Variants in MGAT5 observed in about 807,000 individuals in gnomAD.
MGAT5 encodes the protein alpha-1,6-mannosylglycoprotein 6-beta-N-acetylglucosaminyltransferase.
A neutral mutation model predicts 94.3 loss-of-function variants in MGAT5; 30 were observed. The observed-to-expected ratio is 0.32, with a 90% CI of 0.24 to 0.43. MGAT5 has a LOEUF of 0.43. MGAT5 is among the 20% of genes least tolerant of loss of function. The probability of loss-of-function intolerance (pLI) is 1.00; values close to 1 mark genes in which losing one functional copy is unlikely to be tolerated. For missense variants in MGAT5, 691 were observed against 905.5 expected (o/e 0.76, Z 3.04); for synonymous variants, 310 against 322.9 (o/e 0.96, Z 0.43).
At position 134,145,210 on chromosome 2, in the gene MGAT5, C is replaced by CTG. The variant is rs1413599821; in HGVS notation, c.-143+24920_-143+24921insGT. Among the ~76,000 whole-genome samples the CTG allele has an allele frequency of 2.9e-4, 28 of 95,956 alleles. 1 individual carries two copies. Among genetic ancestry groups the CTG allele is most frequent in the Non-Finnish European group, 4.1e-4 (21 of 51,286 alleles). 63.0% of individuals were successfully genotyped at this position (95,956 alleles called of 152,430 possible). A position where few individuals can be genotyped will look rare whatever the true frequency, so the allele number is the denominator to read the frequency against. ...CAAAGTAAGGTGTGTGTGTGTCTCT[C>CTG]TCTCTGTGTGTGTGTGTGTGTGTGT... On this transcript the variant is annotated intron_variant, in intron 1 of 16. Transcript: ENST00000409645.
chr2:134,257,942 C>CG (rs1683082401), intron 1 of MGAT5, among the ~76,000 whole-genome samples: 3 of 141,152 alleles, frequency 2.1e-5, no homozygotes, highest in Admixed American at 1.5e-4. Context: ...GGATTTGTGT[C>CG]TGGTTTAAAT....
At chr2:134,396,119 A>G (rs4500998) in intron 10 of MGAT5, among the ~76,000 whole-genome samples, 148,077 of 152,162 alleles carry the variant, frequency 0.97, 72,131 homozygotes, top group East Asian at 1. Flanking sequence ...GAAGGAAGAG[A>G]CAGAGGTGAA....
chr2:134,317,102 G>T (rs1281171729), intron 2 of MGAT5, among the ~76,000 whole-genome samples: 1 of 152,140 alleles, frequency 6.6e-6, no homozygotes, highest in East Asian at 1.9e-4. Flanking sequence ...CTCAGTTCAT[G>T]CAGTTGTCTT....
Position 134,362,316 on chromosome 2 carries a change from C to G in MGAT5, c.1288C>G (p.Gln430Glu). The change falls in exon 10 of 16, where the codon CAG (glutamine) becomes GAG (glutamate). Residue 430 changes from glutamine to glutamate, a missense_variant. Transcript: ENST00000281923. ...DNSFLGFVVEQHLNSSDIHHI... is the reference protein window; with the variant it reads ...DNSFLGFVVEEHLNSSDIHHI... ...CAGCTTTCTGGGGTTTGTGGTTGAG[C>G]AGCACCTGAACTCCAGTGATATCCA... is the stretch of plus-strand genomic sequence containing the variant. The G allele has an allele frequency of 6.2e-7, 1 of 1,614,034 alleles. No homozygotes were observed. Among genetic ancestry groups the G allele is most frequent in the South Asian group, 1.1e-5 (1 of 91,086 alleles).
In MGAT5 at chr2:134,446,316, T is replaced by G. The variant is rs367928973; in HGVS notation, c.2028-2333T>G. On this transcript the variant is annotated intron_variant, in intron 15 of 15. Transcript: ENST00000281923. Reference sequence around the variant, plus strand: ...AGCGAGCAGGAGGGTTTTTCATAGCTCCTGACAATTATATTCCTCGCCATG... The same window carrying G: ...AGCGAGCAGGAGGGTTTTTCATAGCGCCTGACAATTATATTCCTCGCCATG... Among the ~76,000 whole-genome samples, 41 of 151,888 alleles carry G rather than the reference T, an allele frequency of 2.7e-4. 1 individual carries two copies. The highest frequency in any genetic ancestry group is 9.2e-4 in the African/African-American group (38 of 41,410).
In MGAT5 at chr2:134,413,011, G is replaced by A; in HGVS notation, c.1673G>A (p.Arg558Lys). ...TTTTTCATTGGCAAGCCAACTCTGAGAGAGGTAAGCATCTATCAAAATTAT... is the reference window on the plus strand; with the variant it reads ...TTTTTCATTGGCAAGCCAACTCTGAAAGAGGTAAGCATCTATCAAAATTAT... The part of the protein sequence containing the change: ...TDFFIGKPTL[R>K]ELTSQHPYAE... Residue 558 changes from arginine (R) to lysine (K), a missense_variant, in exon 12 of 16, where the codon AGA (arginine) becomes AAA (lysine). Physicochemically the swap from Arg to Lys is conservative, Grantham distance 26. Coordinates refer to ENST00000281923, the MANE Select transcript of MGAT5 (RefSeq NM_002410.5). The A allele has an allele frequency of 6.2e-7, 1 of 1,614,136 alleles. No homozygotes were observed. Among genetic ancestry groups the A allele is most frequent in the Non-Finnish European group, 8.5e-7 (1 of 1,180,002 alleles).
chr2:134,240,203 A>G (rs763191557), intron 1 of MGAT5, among the ~76,000 whole-genome samples: 1 of 152,152 alleles, frequency 6.6e-6, no homozygotes, highest in Non-Finnish European at 1.5e-5. Context: ...TCAAATACTC[A>G]TTCTTTGAAG....
At chr2:134,157,690 C>A (rs573512615) in intron 1 of MGAT5, among the ~76,000 whole-genome samples, 1 of 151,938 alleles carries the variant, frequency 6.6e-6, no homozygotes, top group South Asian at 2.1e-4. Flanking sequence ...CACAACTCAC[C>A]ATAATGTAGA....
chr2:134,120,398 G>A lies in MGAT5; in HGVS notation c.-143+107G>A. 4 of 356,586 alleles carry A rather than the reference G, an allele frequency of 1.1e-5. No homozygotes were observed. The East Asian group carries it at 1.2e-4, about 11-fold the overall frequency. 22.1% of individuals were successfully genotyped at this position (356,586 alleles called of 1,614,324 possible). ...GGGGCACGGGGAACCAGGCGCGGGC[G>A]AGGAGAGCCCGCACCGGGGTCGGCG... On this transcript the variant is annotated intron_variant, in intron 1 of 16. Transcript: ENST00000409645.
intron 14 of MGAT5, among the ~76,000 whole-genome samples, chr2:134,434,031 C>G (rs1157532162): frequency 2.6e-5 from 4 of 152,078 alleles, no homozygotes; most frequent in Admixed American, 6.5e-5. Context: ...TTTCTGGACC[C>G]CCTTCACACA....
intron 10 of MGAT5, among the ~76,000 whole-genome samples, chr2:134,392,231 A>T (rs1034676426): frequency 6.6e-6 from 1 of 152,140 alleles, no homozygotes; most frequent in Admixed American, 6.5e-5. Context: ...CCTTTCAAAT[A>T]TGTTTATTTG....
intron 6 of MGAT5, 130 bp from the exon 7 acceptor site, chr2:134,341,460 G>A: frequency 4.2e-6 from 3 of 719,594 alleles, no homozygotes; most frequent in Non-Finnish European, 6.6e-6. Flanking sequence ...TAGAAAAACA[G>A]CATTCCCCAC....
At chr2:134,396,836 G>T (rs1682742057) in intron 10 of MGAT5, among the ~76,000 whole-genome samples, 1 of 152,248 alleles carries the variant, frequency 6.6e-6, no homozygotes, top group African/African-American at 2.4e-5. Context: ...CAGTGACAGT[G>T]CAGCCCAAGC....
chr2:134,439,323 G>T (rs1213960576), intron 14 of MGAT5, among the ~76,000 whole-genome samples: 2 of 152,236 alleles, frequency 1.3e-5, no homozygotes, highest in Admixed American at 1.3e-4. Flanking sequence ...CAAGAGGCAG[G>T]ATGTGCTCTC....
intron 1 of MGAT5, among the ~76,000 whole-genome samples, chr2:134,160,266 C>T (rs907999175): frequency 8.5e-5 from 13 of 152,162 alleles, no homozygotes; most frequent in Non-Finnish European, 1.8e-4. Context: ...CTCCGCTTCC[C>T]AGGTTCATGC....
chr2:134,330,614 T>C (rs1192404368), intron 4 of MGAT5, among the ~76,000 whole-genome samples: 2 of 142,366 alleles, frequency 1.4e-5, no homozygotes, highest in Admixed American at 1.4e-4. Context: ...TAAGCCTTCA[T>C]ACATGATGGT....
At chr2:134,351,956 C>T (rs1241018770) in intron 9 of MGAT5, among the ~76,000 whole-genome samples, 4 of 152,130 alleles carry the variant, frequency 2.6e-5, no homozygotes, top group Non-Finnish European at 5.9e-5. Context: ...AAGATGTTAA[C>T]CTCACTCACA....
At chr2:134,304,144 G>A (rs1686191535) in intron 2 of MGAT5, among the ~76,000 whole-genome samples, 1 of 152,188 alleles carries the variant, frequency 6.6e-6, no homozygotes, top group African/African-American at 2.4e-5. Context: ...TTAGCAGCGT[G>A]CTCTGGGCTG....
chr2:134,381,057 C>T lies in MGAT5; in HGVS notation c.1380+18649C>T, dbSNP rs117332573. On this transcript the variant is annotated intron_variant, in intron 10 of 15. Transcript: ENST00000281923. ...ACCTACCTCCCCCCATCCCAAATTC[C>T]GATGAAGTCCTTGCATATAGAAGAG... 3.4e-3 allele frequency among the ~76,000 whole-genome samples: 523 copies of T among 152,066 alleles called. 13 individuals carry two copies. The East Asian group carries it at 0.057, about 17-fold the overall frequency.
Sources: allele counts gnomAD v4.1 joint callset (sites outside exome capture counted in the v4.1 genomes callset), GRCh38; gene constraint gnomAD v4.1.1; transcripts MANE v1.5; gene names NCBI Gene and HGNC (gene_info 2026-07-23, HGNC 2026-07-21).